NKAIN3: variants seen among roughly 807,000 people sequenced by gnomAD.
NKAIN3 encodes the protein sodium/potassium-transporting ATPase subunit beta-1-interacting protein 3.
A neutral mutation model predicts 30.2 loss-of-function variants in NKAIN3; 25 were observed. That is an observed-to-expected ratio of 0.83 (90% CI 0.60 to 1.16). The LOEUF (loss-of-function observed/expected upper bound fraction) is 1.16. Among genes scored for constraint, NKAIN3 ranks in the 50% most tolerant of loss-of-function variants. The pLI, the probability that NKAIN3 is intolerant of heterozygous loss-of-function variation, is 0.00. For missense variants in NKAIN3, 225 were observed against 254.1 expected, an observed-to-expected ratio of 0.89 and a Z score of 0.78; for synonymous variants, 91 against 89.6, an observed-to-expected ratio of 1.02 and a Z score of -0.09.
chr8:62,668,749 T>C (rs889128168), intron 3 of NKAIN3, among the ~76,000 whole-genome samples: 2 of 152,204 alleles, frequency 1.3e-5, no homozygotes, highest in African/African-American at 4.8e-5. Context: ...CAATTAATTA[T>C]ATATGTATTC....
intron 1 of NKAIN3, among the ~76,000 whole-genome samples, chr8:62,345,312 TAC>T (rs1248090517): frequency 1.2e-4 from 12 of 99,150 alleles, no homozygotes; most frequent in Non-Finnish European, 2.1e-4. Flanking sequence ...TATGTATATA[TAC>T]ACACATATAT....
chr8:62,547,144 A>T (rs116727705), intron 1 of NKAIN3, among the ~76,000 whole-genome samples: 38 of 152,304 alleles, frequency 2.5e-4, no homozygotes, highest in African/African-American at 8.9e-4. Context: ...AATTGCTATG[A>T]TCAAATAAAT....
chr8:62,683,101 T>C (rs1422385499), intron 3 of NKAIN3, among the ~76,000 whole-genome samples: 2 of 152,162 alleles, frequency 1.3e-5, no homozygotes, highest in African/African-American at 4.8e-5. Flanking sequence ...TGGAACGATC[T>C]CTGCTCACTG....
chr8:62,879,405 G>C (rs913587049), intron 4 of NKAIN3, among the ~76,000 whole-genome samples: 1 of 152,150 alleles, frequency 6.6e-6, no homozygotes, highest in South Asian at 2.1e-4. Context: ...GTAGATTCTG[G>C]ATATTAGCCC....
chr8:62,539,739 A>G (rs541825682), intron 1 of NKAIN3, among the ~76,000 whole-genome samples: 3 of 152,220 alleles, frequency 2.0e-5, no homozygotes, highest in African/African-American at 7.2e-5. Flanking sequence ...ACAGGTGTGC[A>G]CAACCACACC....
At chr8:62,801,529 C>A (rs944021746) in intron 4 of NKAIN3, among the ~76,000 whole-genome samples, 11 of 152,194 alleles carry the variant, frequency 7.2e-5, no homozygotes, top group African/African-American at 2.7e-4. Context: ...GGACCTCTAG[C>A]AAACTCCAAC....
intron 1 of NKAIN3, among the ~76,000 whole-genome samples, chr8:62,344,389 A>G (rs1191695432): frequency 1.3e-5 from 2 of 152,084 alleles, no homozygotes; most frequent in African/African-American, 4.8e-5. Context: ...TATTGTTATC[A>G]CAACAATATT....
chr8:62,668,674 T>A (rs551499845), intron 3 of NKAIN3, among the ~76,000 whole-genome samples: 2 of 152,280 alleles, frequency 1.3e-5, no homozygotes, highest in South Asian at 4.1e-4. Flanking sequence ...GCCTAAGCAA[T>A]TTGCTTAAAA....
intron 4 of NKAIN3, among the ~76,000 whole-genome samples, chr8:62,899,220 G>T (rs190156234): frequency 3.9e-5 from 6 of 152,158 alleles, no homozygotes; most frequent in Non-Finnish European, 8.8e-5. Context: ...TCCAGCAATC[G>T]CACTGCTGGG....
At chr8:62,741,919 C>A (rs1164771371) in intron 3 of NKAIN3, among the ~76,000 whole-genome samples, 1 of 152,074 alleles carries the variant, frequency 6.6e-6, no homozygotes, top group Non-Finnish European at 1.5e-5. Context: ...CCTCCCAAAC[C>A]CTCCTACTTG....
chr8:62,629,762 C>CT (rs570715544), intron 3 of NKAIN3, among the ~76,000 whole-genome samples: 5 of 152,018 alleles, frequency 3.3e-5, no homozygotes, highest in African/African-American at 9.7e-5. Context: ...GTAACATATG[C>CT]TTTTTTAGAC....
At chr8:62,850,324 T>G (rs1215452026) in intron 4 of NKAIN3, among the ~76,000 whole-genome samples, 1 of 152,136 alleles carries the variant, frequency 6.6e-6, no homozygotes, top group East Asian at 1.9e-4. Flanking sequence ...CTTGTAAATT[T>G]GTTGGAGTTC....
At chr8:62,317,124 T>C (rs1465874434) in intron 1 of NKAIN3, among the ~76,000 whole-genome samples, 1 of 152,208 alleles carries the variant, frequency 6.6e-6, no homozygotes, top group Admixed American at 6.6e-5. Flanking sequence ...GATGGGTTGT[T>C]TGTTTTTTCT....
intron 3 of NKAIN3, among the ~76,000 whole-genome samples, chr8:62,616,117 T>A (rs78651290): frequency 6.6e-6 from 1 of 152,166 alleles, no homozygotes; most frequent in Non-Finnish European, 1.5e-5. Context: ...TTTTTATTGT[T>A]GGGAAAATTC....
At chr8:62,867,443 T>C (rs1418095832) in intron 4 of NKAIN3, among the ~76,000 whole-genome samples, 6 of 152,182 alleles carry the variant, frequency 3.9e-5, no homozygotes, top group Admixed American at 3.9e-4. Context: ...TTTTTACTGA[T>C]AAATGTACCA....
chr8:62,620,214 G>A (rs111646257), intron 3 of NKAIN3, among the ~76,000 whole-genome samples: 3,482 of 152,196 alleles, frequency 0.023, 139 homozygotes, highest in African/African-American at 0.08. Context: ...AGTCGTCTCT[G>A]TGTCCCTGTG....
intron 1 of NKAIN3, among the ~76,000 whole-genome samples, chr8:62,525,922 T>C (rs1242568037): frequency 1.3e-5 from 2 of 152,204 alleles, no homozygotes; most frequent in African/African-American, 4.8e-5. Flanking sequence ...TTTTCTGTGA[T>C]TCAGAGAATT....
intron 3 of NKAIN3, among the ~76,000 whole-genome samples, chr8:62,658,307 G>A (rs1006994134): frequency 6.6e-6 from 1 of 152,118 alleles, no homozygotes; most frequent in African/African-American, 2.4e-5. Flanking sequence ...TCATAAACAC[G>A]GCACATCAGC....
intron 1 of NKAIN3, among the ~76,000 whole-genome samples, chr8:62,579,086 G>A (rs1810210759): frequency 6.6e-6 from 1 of 151,802 alleles, no homozygotes; most frequent in South Asian, 2.1e-4. Context: ...AATGTTTAAG[G>A]TGATGGATAC....
Sources: allele counts gnomAD v4.1 joint callset (sites outside exome capture counted in the v4.1 genomes callset), GRCh38; gene constraint gnomAD v4.1.1; transcripts MANE v1.5; gene names NCBI Gene and HGNC (gene_info 2026-07-23, HGNC 2026-07-21).